NEGR1: variants seen among roughly 807,000 people sequenced by gnomAD.
NEGR1 encodes neuronal growth regulator 1, also known as IgLON family member 4.
In NEGR1, 10 loss-of-function variants were observed where a neutral mutation model predicts 40.9. The observed-to-expected ratio is 0.24, with a 90% confidence interval of 0.15 to 0.42. The LOEUF is 0.42. Ranked by LOEUF, NEGR1 falls within the 10% of genes least tolerant of loss-of-function variation. NEGR1 has a pLI of 1.00. For missense variants in NEGR1, 352 were observed against 438.9 expected, an observed-to-expected ratio of 0.80 and a Z score of 1.77; for synonymous variants, 185 against 166.8, an observed-to-expected ratio of 1.11 and a Z score of -0.84.
intron 6 of NEGR1, among the ~76,000 whole-genome samples, chr1:71,592,192 C>T (rs1012865380): frequency 5.9e-5 from 9 of 152,006 alleles, no homozygotes; most frequent in Non-Finnish European, 1.0e-4. Context: ...GGTTTCTAGC[C>T]TTTTACCCGA....
intron 2 of NEGR1, among the ~76,000 whole-genome samples, chr1:71,879,960 A>G (rs974442692): frequency 2.0e-5 from 3 of 152,144 alleles, no homozygotes; most frequent in African/African-American, 7.2e-5. Context: ...CTTTCATATG[A>G]GTTCTATAGT....
At chr1:72,162,497 A>C (rs1651606986) in intron 1 of NEGR1, among the ~76,000 whole-genome samples, 1 of 152,096 alleles carries the variant, frequency 6.6e-6, no homozygotes, top group East Asian at 1.9e-4. Flanking sequence ...AAAAACAAAC[A>C]AAGCAAAATA....
intron 2 of NEGR1, among the ~76,000 whole-genome samples, chr1:71,931,264 G>A (rs1645853079): frequency 6.6e-6 from 1 of 152,134 alleles, no homozygotes; most frequent in Non-Finnish European, 1.5e-5. Flanking sequence ...CCTTGAAAGG[G>A]AATGAGTTGA....
chr1:71,737,134 T>G (rs1348724424), intron 3 of NEGR1, among the ~76,000 whole-genome samples: 2 of 152,194 alleles, frequency 1.3e-5, no homozygotes, highest in Admixed American at 1.3e-4. Flanking sequence ...AAAGTAGAGA[T>G]GTAACCTGAA....
At chr1:71,825,773 T>C (rs184614632) in intron 2 of NEGR1, among the ~76,000 whole-genome samples, 38 of 152,028 alleles carry the variant, frequency 2.5e-4, no homozygotes, top group Non-Finnish European at 4.6e-4. Context: ...AAACACTCAA[T>C]GTATATTAGA....
chr1:72,160,432 C>T (rs1273579737), intron 1 of NEGR1, among the ~76,000 whole-genome samples: 1 of 152,070 alleles, frequency 6.6e-6, no homozygotes, highest in Non-Finnish European at 1.5e-5. Context: ...AGAATTACAA[C>T]TTTAAAAGGA....
chr1:71,757,680 A>C (rs568372561), intron 3 of NEGR1, among the ~76,000 whole-genome samples: 2 of 152,220 alleles, frequency 1.3e-5, no homozygotes, highest in South Asian at 4.1e-4. Context: ...CCCAGAGTTT[A>C]TGAAATCTGA....
chr1:71,761,445 G>A (rs1033836221), intron 3 of NEGR1, among the ~76,000 whole-genome samples: 1 of 152,124 alleles, frequency 6.6e-6, no homozygotes, highest in Non-Finnish European at 1.5e-5. Flanking sequence ...AAATCTCATG[G>A]AACAGTTTCA....
chr1:71,641,867 A>G (rs1651364663), intron 4 of NEGR1, among the ~76,000 whole-genome samples: 1 of 151,996 alleles, frequency 6.6e-6, no homozygotes, highest in South Asian at 2.1e-4. Context: ...GAGTGACAAG[A>G]ATGACATCTT....
At chr1:71,632,307 A>C (rs1650993940) in intron 4 of NEGR1, among the ~76,000 whole-genome samples, 1 of 151,176 alleles carries the variant, frequency 6.6e-6, no homozygotes, top group Non-Finnish European at 1.5e-5. Context: ...TATTTTAATA[A>C]AATTTTATTA....
intron 1 of NEGR1, among the ~76,000 whole-genome samples, chr1:72,247,090 CTACAAAACCA>C (rs964504853): frequency 6.6e-6 from 1 of 152,166 alleles, no homozygotes; most frequent in African/African-American, 2.4e-5. Context: ...TGGGGCTGGC[CTACAAAACCA>C]TTCTGTCTTC....
chr1:72,034,994 G>T (rs1213654850), intron 1 of NEGR1, among the ~76,000 whole-genome samples: 2 of 152,008 alleles, frequency 1.3e-5, no homozygotes, highest in Admixed American at 6.6e-5. Flanking sequence ...ATGGTGTCAT[G>T]GCAGCCTCCA....
intron 1 of NEGR1, among the ~76,000 whole-genome samples, chr1:71,939,690 G>A (rs891121919): frequency 2.0e-5 from 3 of 151,906 alleles, no homozygotes; most frequent in Non-Finnish European, 4.4e-5. Context: ...CAGGGGCAGG[G>A]GTGGGCAGAG....
chr1:71,767,812 C>A (rs1656184387), intron 3 of NEGR1, among the ~76,000 whole-genome samples: 1 of 152,236 alleles, frequency 6.6e-6, no homozygotes, highest in South Asian at 2.1e-4. Context: ...GCCGAGCTGC[C>A]TTGTGCAGCC....
At chr1:71,826,508 C>T (rs1326080173) in intron 2 of NEGR1, among the ~76,000 whole-genome samples, 1 of 151,544 alleles carries the variant, frequency 6.6e-6, no homozygotes, top group African/African-American at 2.4e-5. Flanking sequence ...GTCTTTTTTC[C>T]TTTACCTGAA....
chr1:71,462,591 C>T (rs1646721345), intron 6 of NEGR1, among the ~76,000 whole-genome samples: 1 of 151,950 alleles, frequency 6.6e-6, no homozygotes, highest in Non-Finnish European at 1.5e-5. Flanking sequence ...AGCTTTTGTA[C>T]TAAAAGCCAG....
intron 2 of NEGR1, among the ~76,000 whole-genome samples, chr1:71,866,132 T>G (rs591540): frequency 0.6 from 90,840 of 151,706 alleles, 28,298 homozygotes; most frequent in African/African-American, 0.78. Context: ...TTAAAGGAAA[T>G]AATAATGAGG....
At position 72,274,795 on chromosome 1, in the gene NEGR1, C is replaced by G. The variant is rs746659492; in HGVS notation, c.176+7524G>C. 41 of 1,444,110 alleles carry G rather than the reference C, an allele frequency of 2.8e-5. 1 individual carries two copies. Among genetic ancestry groups the G allele is most frequent in the Non-Finnish European group, 4.0e-5 (41 of 1,025,516 alleles). The allele number at this position is 1,444,110 out of a possible 1,614,324, so 89.5% of individuals were successfully genotyped here. A position where few individuals can be genotyped will look rare whatever the true frequency, so the allele number is the denominator to read the frequency against. The stretch of plus-strand genomic sequence containing the variant: ...CTGTGACCCCAGCTGTGTAAAAGAT[C>G]GGGTAGAAAAAGTGGGCCAGGTGAT... On this transcript the variant is annotated intron_variant, in intron 1 of 6. Transcript: ENST00000357731.
chr1:72,037,393 T>A (rs894055558), intron 1 of NEGR1, among the ~76,000 whole-genome samples: 9 of 152,180 alleles, frequency 5.9e-5, no homozygotes, highest in African/African-American at 2.2e-4. Context: ...ATATTATTGT[T>A]ATTCCTACTT....
Sources: allele counts gnomAD v4.1 joint callset (sites outside exome capture counted in the v4.1 genomes callset), GRCh38; gene constraint gnomAD v4.1.1; transcripts MANE v1.5; gene names NCBI Gene and HGNC (gene_info 2026-07-23, HGNC 2026-07-21).